The following EDARADD variants were observed in gnomAD, a reference collection of about 807,000 sequenced individuals.
EDARADD encodes the protein EDAR associated via death domain.
A neutral mutation model predicts 25.6 loss-of-function variants in EDARADD; 20 were observed. The ratio of observed to expected loss-of-function variants is 0.78; its 90% CI spans 0.55 to 1.14. The LOEUF is 1.14. EDARADD is among the 50% of genes most tolerant of loss of function. EDARADD has a pLI of 0.00. For missense variants in EDARADD, 225 were observed against 270.1 expected (o/e 0.83, Z 1.17); for synonymous variants, 86 against 94.4 (o/e 0.91, Z 0.52).
rs76918842 is a variant in EDARADD at position 236,458,750 on chromosome 1, T to G, written c.220-9481T>G. On this transcript the variant is annotated intron_variant, in intron 4 of 5. Coordinates refer to ENST00000334232, the MANE Select transcript of EDARADD (RefSeq NM_145861.4). ...CCTTCACTTCCCAGGTTCAAGAGAT[T>G]CTCCTGTCTCAGCCTCCCGAGTAGC... Among the ~76,000 whole-genome samples, 14 of 151,444 alleles carry G rather than the reference T, an allele frequency of 9.2e-5. No individual in the cohort carries two copies. In the East Asian group the frequency reaches 2.3e-3, roughly 25 times the overall value.
At chr1:236,381,706 G>A (rs943296877) in intron 3 of EDARADD, among the ~76,000 whole-genome samples, 2 of 149,378 alleles carry the variant, frequency 1.3e-5, no homozygotes, top group Non-Finnish European at 3.0e-5. Flanking sequence ...TAGCTCCACT[G>A]CCTCCTGCCT....
chr1:236,416,052 T>C (rs1657633307), intron 3 of EDARADD, among the ~76,000 whole-genome samples: 1 of 152,000 alleles, frequency 6.6e-6, no homozygotes, highest in African/African-American at 2.4e-5. Context: ...CCCCCTACTA[T>C]TCCAGACCCT....
intron 2 of EDARADD, among the ~76,000 whole-genome samples, chr1:236,411,349 A>G (rs1261122736): frequency 6.6e-6 from 1 of 152,166 alleles, no homozygotes; most frequent in Admixed American, 6.5e-5. Context: ...TCTGAGACCC[A>G]TAGGGAAGAA....
upstream of EDARADD, among the ~76,000 whole-genome samples, chr1:236,391,961 C>T (rs1304329520): frequency 6.6e-6 from 1 of 152,160 alleles, no homozygotes; most frequent in Admixed American, 6.5e-5. Flanking sequence ...TCTTCAGTGC[C>T]TCCTTCCACA....
At chr1:236,477,054 C>CAA (rs61477663) in intron 5 of EDARADD, among the ~76,000 whole-genome samples, 23,598 of 113,490 alleles carry the variant, frequency 0.21, 2,512 homozygotes, top group African/African-American at 0.33. Flanking sequence ...TGCCCATAAG[C>CAA]AAAAAAAAAA....
At chr1:236,462,550 T>C (rs558928659) in intron 4 of EDARADD, among the ~76,000 whole-genome samples, 2 of 152,236 alleles carry the variant, frequency 1.3e-5, no homozygotes, top group African/African-American at 4.8e-5. Context: ...AGCTGAGAGC[T>C]TTTCCCAGGG....
At chr1:236,455,712 G>A (rs1205255790) in intron 4 of EDARADD, among the ~76,000 whole-genome samples, 1 of 152,258 alleles carries the variant, frequency 6.6e-6, no homozygotes, top group Non-Finnish European at 1.5e-5. Context: ...CGGTGAAAGG[G>A]TTCCTGTTGC....
chr1:236,450,050 G>A (rs950801318), intron 4 of EDARADD, among the ~76,000 whole-genome samples: 2 of 151,388 alleles, frequency 1.3e-5, no homozygotes, highest in Non-Finnish European at 2.9e-5. Context: ...GCAGTGAGCC[G>A]AGATTACACC....
At chr1:236,376,582 CTT>C (rs1171772795) in intron 3 of EDARADD, among the ~76,000 whole-genome samples, 1 of 152,014 alleles carries the variant, frequency 6.6e-6, no homozygotes, top group Non-Finnish European at 1.5e-5. Flanking sequence ...TTCTCTCTGT[CTT>C]TTTTCGAACT....
chr1:236,470,676 G>C (rs1289805637), intron 5 of EDARADD, among the ~76,000 whole-genome samples: 2 of 152,104 alleles, frequency 1.3e-5, no homozygotes, highest in African/African-American at 4.8e-5. Context: ...CGAGATCTCG[G>C]CTCACTGCAA....
At chr1:236,424,916 A>T (rs553649304) in intron 3 of EDARADD, among the ~76,000 whole-genome samples, 6 of 152,348 alleles carry the variant, frequency 3.9e-5, no homozygotes, top group African/African-American at 1.2e-4. Context: ...TCTTGTACAA[A>T]TGCCCTCAGA....
At chr1:236,481,778 CAAAAAAAA>C (rs36104533) in intron 5 of EDARADD, among the ~76,000 whole-genome samples, 1 of 93,320 alleles carries the variant, frequency 1.1e-5, no homozygotes, top group Non-Finnish European at 2.0e-5. Context: ...CACCCTGTAT[CAAAAAAAA>C]AAAAAAAAAA....
intron 3 of EDARADD, among the ~76,000 whole-genome samples, chr1:236,422,451 G>A (rs868545050): frequency 1.3e-5 from 2 of 152,166 alleles, no homozygotes; most frequent in African/African-American, 4.8e-5. Flanking sequence ...TTAGGCAATG[G>A]TCCAAAAATT....
intron 4 of EDARADD, among the ~76,000 whole-genome samples, chr1:236,431,656 T>C (rs1310707403): frequency 2.1e-5 from 1 of 48,540 alleles, no homozygotes; most frequent in South Asian, 7.7e-4. Context: ...GCGCGGTGGC[T>C]CACGCCTGTA....
At chr1:236,466,983 C>T (rs973608766) in intron 4 of EDARADD, among the ~76,000 whole-genome samples, 5 of 152,084 alleles carry the variant, frequency 3.3e-5, no homozygotes, top group South Asian at 2.1e-4. Flanking sequence ...AGGAGAATGG[C>T]GTGAACCCAG....
At position 236,484,680 on chromosome 1, in the gene EDARADD, T is replaced by A; in HGVS notation, c.*2031T>A. 2 of 397,010 alleles carry A rather than the reference T, an allele frequency of 5.0e-6. No individual in the cohort carries two copies. Among genetic ancestry groups the A allele is most frequent in the Non-Finnish European group, 9.2e-6 (2 of 217,938 alleles). 24.6% of individuals were successfully genotyped at this position (397,010 alleles called of 1,614,324 possible). The stretch of plus-strand genomic sequence containing the variant: ...CCGAGATTGCGCCACTGCACACCAG[T>A]CTGGAGACAGAGTGAGAGTCCGTCC... On this transcript the variant is annotated 3_prime_UTR_variant, in exon 6 of 6. Coordinates refer to ENST00000334232, the MANE Select transcript of EDARADD (RefSeq NM_145861.4). The surrounding 1 kb of genome is among the most constrained non-coding windows in gnomAD (Gnocchi z 4.1).
intron 3 of EDARADD, among the ~76,000 whole-genome samples, chr1:236,358,447 G>T (rs1361509859): frequency 6.6e-6 from 1 of 152,154 alleles, no homozygotes; most frequent in Non-Finnish European, 1.5e-5. Context: ...GCATTTGTTT[G>T]CTCTTGGTTC....
At chr1:236,357,079 T>G (rs1371145461) in intron 3 of EDARADD, among the ~76,000 whole-genome samples, 1 of 145,516 alleles carries the variant, frequency 6.9e-6, no homozygotes. Flanking sequence ...AGTGAGGCTC[T>G]GTCTCAAATA....
intron 3 of EDARADD, among the ~76,000 whole-genome samples, chr1:236,418,147 G>A (rs1657689729): frequency 6.6e-6 from 1 of 151,692 alleles, no homozygotes; most frequent in Admixed American, 6.6e-5. Context: ...TAAAGACGGG[G>A]TTTCACCGTG....
Sources: allele counts gnomAD v4.1 joint callset (sites outside exome capture counted in the v4.1 genomes callset), GRCh38; gene constraint gnomAD v4.1.1; non-coding constraint Gnocchi (gnomAD v3.1); transcripts MANE v1.5; gene names NCBI Gene and HGNC (gene_info 2026-07-23, HGNC 2026-07-21).